HECTD4: variants seen among roughly 807,000 people sequenced by gnomAD.
HECTD4 encodes HECT domain E3 ubiquitin protein ligase 4.
Under a neutral mutation model 471.5 loss-of-function variants are expected in HECTD4, and 114 were observed. That is an observed-to-expected ratio of 0.24 (90% CI 0.21 to 0.28). The LOEUF is 0.28. Ranked by LOEUF, HECTD4 falls within the 10% of genes least tolerant of loss-of-function variation. The pLI, the probability that HECTD4 is intolerant of heterozygous loss-of-function variation, is 1.00. For synonymous variants in HECTD4, 2,012 were observed against 2,256.0 expected (o/e 0.89, Z 3.07); for missense variants, 3,866 against 5,651.5 (o/e 0.68, Z 10.13).
intron 52 of HECTD4, among the ~76,000 whole-genome samples, chr12:112,206,312 T>C (rs1015602211): frequency 1.3e-5 from 2 of 151,878 alleles, no homozygotes; most frequent in African/African-American, 4.8e-5. Flanking sequence ...CTGAGGGATA[T>C]AGCAACACCC....
Position 112,319,780 on chromosome 12 carries a change from C to T in HECTD4, c.178-38G>A. ...ACGATGGAGAAGTGGGTAAATATTA[C>T]TTTCACCAAAGTCATCTAAGGAAGA... is the stretch of plus-strand genomic sequence containing the variant. On this transcript the variant is annotated intron_variant, in intron 1 of 75. Transcript: ENST00000682272. The surrounding 1 kb of genome is among the most constrained non-coding windows in gnomAD (Gnocchi z 5.3). The T allele has an allele frequency of 8.1e-7, 1 of 1,231,464 alleles. No homozygotes were observed. The highest frequency in any genetic ancestry group is 1.0e-6 in the Non-Finnish European group (1 of 984,134). 76.3% of individuals were successfully genotyped at this position (1,231,464 alleles called of 1,614,324 possible).
chr12:112,216,841 G>A lies in HECTD4; in HGVS notation c.7317C>T (p.Gly2439=), dbSNP rs1297543061. 6.2e-7 allele frequency: 1 copy of A among 1,614,032 alleles called. No individual in the cohort carries two copies. Among genetic ancestry groups the A allele is most frequent in the Non-Finnish European group, 8.5e-7 (1 of 1,179,896 alleles). The change falls in exon 47 of 76, where the codon GGC becomes GGT. Residue 2439 remains glycine (G), a synonymous_variant. Coordinates refer to ENST00000682272, the MANE Select transcript of HECTD4 (RefSeq NM_001388303.1). ...CTCGCTTCTCTGCTTCTGTAGTGAA[G>A]CCAAAGGAAACTATGGGTCCGGTGT... The part of the protein sequence containing the change: ...DDDTGPIVSF[G]FTTEAEKRDG...
At chr12:112,327,056 G>A (rs890827585) in intron 1 of HECTD4, among the ~76,000 whole-genome samples, 1 of 152,148 alleles carries the variant, frequency 6.6e-6, no homozygotes, top group Non-Finnish European at 1.5e-5. Flanking sequence ...GGCCAGGCGC[G>A]GTGGCTCACG....
At chr12:112,294,795 A>G (rs1333245797) in intron 7 of HECTD4, among the ~76,000 whole-genome samples, 7 of 152,162 alleles carry the variant, frequency 4.6e-5, no homozygotes, top group Non-Finnish European at 1.0e-4. Flanking sequence ...TCTCCTTTTT[A>G]TAAAAAAATT....
chr12:112,335,740 G>C (rs1371554637), intron 1 of HECTD4, among the ~76,000 whole-genome samples: 1 of 152,096 alleles, frequency 6.6e-6, no homozygotes, highest in Non-Finnish European at 1.5e-5. Context: ...GATGATGGGT[G>C]CACCAAAACC....
chr12:112,172,892 A>C, intron 66 of HECTD4, 31 bp from the exon 67 acceptor site: 1 of 1,596,384 alleles, frequency 6.3e-7, no homozygotes, highest in Admixed American at 1.7e-5. Flanking sequence ...AGAGGGGCAA[A>C]GTGAGGCAGG....
intron 8 of HECTD4, among the ~76,000 whole-genome samples, chr12:112,281,547 AC>A (rs2034641651): frequency 6.6e-6 from 1 of 152,194 alleles, no homozygotes; most frequent in African/African-American, 2.4e-5. Context: ...AACAACAAAA[AC>A]AAAAACAAAA....
At position 112,226,663 on chromosome 12, in the gene HECTD4, A is replaced by G; in HGVS notation, c.6950T>C (p.Val2317Ala). 6.2e-7 allele frequency: 1 copy of G among 1,611,522 alleles called. No individual in the cohort carries two copies. Among genetic ancestry groups the G allele is most frequent in the East Asian group, 2.2e-5 (1 of 44,846 alleles). Residue 2317 changes from valine to alanine, a missense_variant, in exon 44 of 76, where the codon GTA becomes GCA. Around this residue, in one of 16 missense-constraint regions of HECTD4, gnomAD observed 617 missense variants for 915.1 expected, o/e 0.67. Coordinates refer to ENST00000682272, the MANE Select transcript of HECTD4 (RefSeq NM_001388303.1). Reference sequence around the variant, plus strand: ...CTCACCAGCACTACATTCCTGGGCTACTAGGTTAAGAACTTCAACAGCTGC... The same window carrying G: ...CTCACCAGCACTACATTCCTGGGCTGCTAGGTTAAGAACTTCAACAGCTGC... ...CPAAVEVLNL[V>A]AQECSAGERL...
chr12:112,258,544 G>C lies in HECTD4; in HGVS notation c.3080C>G (p.Ser1027Cys), dbSNP rs771572533. The change falls in exon 20 of 76, where the codon TCC (serine) becomes TGC (cysteine). Residue 1027 changes from serine to cysteine, a missense_variant. Physicochemically the swap from Ser to Cys is moderately radical, Grantham distance 112. Coordinates refer to ENST00000682272, the MANE Select transcript of HECTD4 (RefSeq NM_001388303.1). ...QCPVFAEVGC[S>C]PCGAPDQKCR... is the part of the protein sequence containing the mutation. The stretch of plus-strand genomic sequence containing the variant: ...CTTCTGGTCTGGTGCACCACACGGG[G>C]AACAGCCCACCTCAGCAAAAACCGG... 6.2e-7 allele frequency: 1 copy of C among 1,605,900 alleles called. No individual in the cohort carries two copies. Among genetic ancestry groups the C allele is most frequent in the South Asian group, 1.1e-5 (1 of 89,922 alleles).
intron 9 of HECTD4, 113 bp downstream of exon 9, chr12:112,279,115 A>T: frequency 2.4e-6 from 2 of 825,978 alleles, no homozygotes. Context: ...GTTATCAGAG[A>T]GCTATTGCAA....
In HECTD4 at chr12:112,226,535, G is replaced by A. The variant is rs1410854925; in HGVS notation, c.6970+108C>T. 10 of 593,884 alleles carry A rather than the reference G, an allele frequency of 1.7e-5. No homozygotes were observed. In the Middle Eastern group the frequency reaches 1.8e-3, roughly 109 times the overall value. 36.8% of individuals were successfully genotyped at this position (593,884 alleles called of 1,614,324 possible). A position where few individuals can be genotyped will look rare whatever the true frequency, so the allele number is the denominator to read the frequency against. ...TGACAGGTGTTGTCCTTACAGCTCG[G>A]CTGTTTTGATGTGTGTGTATGAAGA... On this transcript the variant is annotated intron_variant, in intron 44 of 75. Transcript: ENST00000682272.
intron 72 of HECTD4, among the ~76,000 whole-genome samples, chr12:112,165,528 T>C: frequency 6.6e-6 from 1 of 151,934 alleles, no homozygotes; most frequent in East Asian, 1.9e-4. Context: ...ATTTTTTGTA[T>C]TTTTAGTAGA....
chr12:112,279,448 A>C, intron 8 of HECTD4, 62 bp from the exon 9 acceptor site: 2 of 1,416,056 alleles, frequency 1.4e-6, no homozygotes, highest in African/African-American at 1.4e-5. Flanking sequence ...TTTGATTACC[A>C]ACACAGATTA....
chr12:112,302,414 G>A (rs759208017), intron 7 of HECTD4: 8 of 754,684 alleles, frequency 1.1e-5, no homozygotes, highest in Non-Finnish European at 1.9e-5. Context: ...GCAGTTCAGG[G>A]CCTGGGTGAA....
At chr12:112,370,874 T>C (rs940717142) in intron 1 of HECTD4, among the ~76,000 whole-genome samples, 3 of 152,232 alleles carry the variant, frequency 2.0e-5, no homozygotes, top group Non-Finnish European at 2.9e-5. Flanking sequence ...TCCTATGCAT[T>C]TGTCCCATAG....
intron 64 of HECTD4, among the ~76,000 whole-genome samples, chr12:112,178,315 G>A (rs1000247525): frequency 1.3e-5 from 2 of 152,126 alleles, no homozygotes; most frequent in African/African-American, 4.8e-5. Context: ...CGGGCTTAAG[G>A]CGTTATGCAT....
chr12:112,323,976 TCC>T (rs1397715711), intron 1 of HECTD4, among the ~76,000 whole-genome samples: 25 of 18,828 alleles, frequency 1.3e-3, no homozygotes, highest in African/African-American at 4.6e-3. Context: ...CTTCCTTCCT[TCC>T]TTCCTTCCTT....
intron 60 of HECTD4, among the ~76,000 whole-genome samples, chr12:112,187,120 C>T (rs2031897880): frequency 6.6e-6 from 1 of 152,192 alleles, no homozygotes; most frequent in Non-Finnish European, 1.5e-5. Flanking sequence ...GCTTGGATTA[C>T]AGGCATGCAC....
intron 44 of HECTD4, among the ~76,000 whole-genome samples, chr12:112,221,372 C>T (rs1258815684): frequency 1.3e-5 from 2 of 152,088 alleles, no homozygotes; most frequent in African/African-American, 4.8e-5. Context: ...CCTCAGCCTC[C>T]CGAGTAGCTG....
Sources: allele counts gnomAD v4.1 joint callset (sites outside exome capture counted in the v4.1 genomes callset), GRCh38; gene constraint gnomAD v4.1.1; regional missense constraint gnomAD v4.1.1; non-coding constraint Gnocchi (gnomAD v3.1); transcripts MANE v1.5; gene names NCBI Gene and HGNC (gene_info 2026-07-23, HGNC 2026-07-21).